UST: variants seen among roughly 807,000 people sequenced by gnomAD.
UST encodes uronyl 2-sulfotransferase, also known as chondroitin sulfate 2-O-sulfotransferase.
A neutral mutation model predicts 45.6 loss-of-function variants in UST; 21 were observed. The observed-to-expected ratio is 0.46, with a 90% CI of 0.33 to 0.66. UST has a LOEUF of 0.66. UST is among the 30% of genes least tolerant of loss of function. The pLI, the probability that UST is intolerant of heterozygous loss-of-function variation, is 0.02. For synonymous variants in UST, 215 were observed against 200.6 expected (o/e 1.07, Z -0.61); for missense variants, 463 against 512.4 (o/e 0.90, Z 0.93).
intron 7 of UST, among the ~76,000 whole-genome samples, chr6:149,068,718 G>GT (rs1428654349): frequency 1.3e-5 from 2 of 152,076 alleles, no homozygotes; most frequent in Non-Finnish European, 1.5e-5. Context: ...ATCACCTTGA[G>GT]TATTTATCAT....
intron 5 of UST, chr6:148,990,551 C>A: frequency 2.5e-6 from 1 of 401,512 alleles, no homozygotes; most frequent in Non-Finnish European, 3.4e-6. Context: ...TCCATCTTAG[C>A]CCACGAAAGC....
At chr6:149,028,360 A>G (rs1233015151) in intron 7 of UST, among the ~76,000 whole-genome samples, 2 of 152,176 alleles carry the variant, frequency 1.3e-5, no homozygotes, top group East Asian at 1.9e-4. Flanking sequence ...CAGCCTTACT[A>G]TATGGTGAGT....
intron 7 of UST, among the ~76,000 whole-genome samples, chr6:149,062,212 C>G (rs867980565): frequency 6.6e-6 from 1 of 152,228 alleles, no homozygotes; most frequent in Non-Finnish European, 1.5e-5. Context: ...GCAAATACCA[C>G]TACCTCTCCA....
At chr6:148,961,138 A>T (rs1466750625) in intron 4 of UST, among the ~76,000 whole-genome samples, 3 of 152,230 alleles carry the variant, frequency 2.0e-5, no homozygotes, top group Non-Finnish European at 4.4e-5. Context: ...GTAAAAATTT[A>T]AAAAATACGA....
chr6:148,958,751 G>A (rs1780580967), intron 4 of UST, among the ~76,000 whole-genome samples: 1 of 152,120 alleles, frequency 6.6e-6, no homozygotes, highest in African/African-American at 2.4e-5. Flanking sequence ...TTCTAAGCTT[G>A]TATTTTTTGG....
chr6:149,050,174 G>A (rs1776462534), intron 7 of UST, among the ~76,000 whole-genome samples: 1 of 152,178 alleles, frequency 6.6e-6, no homozygotes, highest in South Asian at 2.1e-4. Flanking sequence ...CAAGAAGGTA[G>A]CTCATAGATC....
At chr6:148,858,042 A>G (rs1778237020) in intron 1 of UST, among the ~76,000 whole-genome samples, 1 of 152,242 alleles carries the variant, frequency 6.6e-6, no homozygotes, top group Admixed American at 6.5e-5. Flanking sequence ...AACATACACA[A>G]TGCCTTCTAA....
chr6:148,903,140 T>C (rs1779291901), intron 2 of UST, among the ~76,000 whole-genome samples: 1 of 152,180 alleles, frequency 6.6e-6, no homozygotes, highest in African/African-American at 2.4e-5. Context: ...TTTTCCTTTT[T>C]TTGATAGAGA....
At chr6:148,993,378 G>A (rs1447427993) in intron 5 of UST, among the ~76,000 whole-genome samples, 2 of 149,870 alleles carry the variant, frequency 1.3e-5, no homozygotes. Context: ...TACTCTTTTT[G>A]AAAAAAAAAA....
intron 1 of UST, among the ~76,000 whole-genome samples, chr6:148,846,568 G>T (rs1384179526): frequency 6.6e-6 from 1 of 151,566 alleles, no homozygotes; most frequent in Admixed American, 6.6e-5. Flanking sequence ...TGCACATTGT[G>T]CACATGTACC....
intron 5 of UST, among the ~76,000 whole-genome samples, chr6:149,002,595 C>T (rs908031212): frequency 4.6e-5 from 7 of 152,180 alleles, no homozygotes; most frequent in South Asian, 2.1e-4. Flanking sequence ...CAACCTCCGC[C>T]TCCCGGGTTC....
chr6:149,049,929 T>TCACACACACACA (rs1219672960), intron 7 of UST, among the ~76,000 whole-genome samples: 36 of 129,820 alleles, frequency 2.8e-4, no homozygotes, highest in African/African-American at 1.0e-3. Context: ...TCTCTCTCTC[T>TCACACACACACA]CTCACACACA....
chr6:148,783,677 G>A (rs1052410267), intron 1 of UST, among the ~76,000 whole-genome samples: 4 of 152,166 alleles, frequency 2.6e-5, no homozygotes, highest in Non-Finnish European at 5.9e-5. Flanking sequence ...AGATGAACTT[G>A]TCTGGTGATT....
chr6:148,914,395 TG>T (rs1159204058), intron 2 of UST, among the ~76,000 whole-genome samples: 1 of 94,426 alleles, frequency 1.1e-5, no homozygotes, highest in Non-Finnish European at 2.1e-5. Flanking sequence ...TTCCATAGAT[TG>T]GGGGGTGGGT....
intron 2 of UST, 76 bp from the exon 3 acceptor site, chr6:148,941,203 G>T: frequency 1.3e-6 from 2 of 1,543,626 alleles, no homozygotes; most frequent in Non-Finnish European, 1.8e-6. Context: ...AACAGTTATT[G>T]TTCTGAAATT....
chr6:148,884,307 C>G (rs1476267631), intron 1 of UST, among the ~76,000 whole-genome samples: 1 of 152,116 alleles, frequency 6.6e-6, no homozygotes, highest in East Asian at 1.9e-4. Flanking sequence ...AGGCTCTGTT[C>G]TAGGAACTGA....
At chr6:148,804,865 G>T (rs1777117279) in intron 1 of UST, among the ~76,000 whole-genome samples, 1 of 148,634 alleles carries the variant, frequency 6.7e-6, no homozygotes, top group African/African-American at 2.5e-5. Flanking sequence ...CCATCTATAT[G>T]GTTCATAAAA....
At chr6:148,988,529 A>G (rs1414155696) in intron 5 of UST, among the ~76,000 whole-genome samples, 1 of 147,878 alleles carries the variant, frequency 6.8e-6, no homozygotes, top group Admixed American at 6.9e-5. Context: ...AGCCAAGATC[A>G]CATTACTGGA....
rs574032213 is a variant in UST, at chr6:149,029,430, CATTAT to C, written c.937+7967_937+7971del. ...TAAAATATATACATTATATTGTATA[CATTAT>C]ATTATATTATATTATATATACATTA... On this transcript the variant is annotated intron_variant, in intron 7 of 7. Coordinates refer to ENST00000367463, the MANE Select transcript of UST (RefSeq NM_005715.3). 1.6e-3 allele frequency among the ~76,000 whole-genome samples: 106 copies of C among 67,706 alleles called. 1 individual carries two copies. Among genetic ancestry groups the C allele is most frequent in the African/African-American group, 2.1e-3 (26 of 12,316 alleles). 44.4% of individuals were successfully genotyped at this position (67,706 alleles called of 152,430 possible).
Sources: allele counts gnomAD v4.1 joint callset (sites outside exome capture counted in the v4.1 genomes callset), GRCh38; gene constraint gnomAD v4.1.1; transcripts MANE v1.5; gene names NCBI Gene and HGNC (gene_info 2026-07-23, HGNC 2026-07-21).